MCPH1: variants seen among roughly 807,000 people sequenced by gnomAD.
MCPH1 encodes the protein microcephalin.
Under a neutral mutation model 84.5 loss-of-function variants are expected in MCPH1, and 104 were observed. The observed-to-expected ratio is 1.23, with a 90% CI of 1.05 to 1.45. The LOEUF is 1.45. Ranked by LOEUF, MCPH1 falls within the 40% of genes most tolerant of loss-of-function variation. The pLI is 0.00. For missense variants in MCPH1, 1,498 were observed against 1,005.7 expected, an observed-to-expected ratio of 1.49 and a Z score of -6.62; for synonymous variants, 514 against 366.8, an observed-to-expected ratio of 1.40 and a Z score of -4.58.
intron 3 of MCPH1, among the ~76,000 whole-genome samples, chr8:6,416,681 T>C (rs934034920): frequency 1.7e-4 from 26 of 152,228 alleles, no homozygotes; most frequent in African/African-American, 6.3e-4. Flanking sequence ...GTTGTATACG[T>C]TGTCATCTTG....
chr8:6,410,165 G>A (rs564660151), intron 2 of MCPH1, among the ~76,000 whole-genome samples: 22 of 151,374 alleles, frequency 1.5e-4, no homozygotes, highest in Non-Finnish European at 3.1e-4. Context: ...TAGTAAAGAC[G>A]GGGTTTCACC....
At chr8:6,495,875 G>C (rs1246182515) in intron 11 of MCPH1, among the ~76,000 whole-genome samples, 1 of 152,192 alleles carries the variant, frequency 6.6e-6, no homozygotes, top group African/African-American at 2.4e-5. Flanking sequence ...GCTTACGACT[G>C]TGGGACAAGT....
intron 9 of MCPH1, among the ~76,000 whole-genome samples, chr8:6,471,120 C>G (rs1351749674): frequency 6.6e-6 from 1 of 152,112 alleles, no homozygotes; most frequent in Non-Finnish European, 1.5e-5. Context: ...GATCTTGGAC[C>G]TACCACCAAG....
At chr8:6,468,472 C>T (rs750655568) in intron 9 of MCPH1, among the ~76,000 whole-genome samples, 1 of 152,130 alleles carries the variant, frequency 6.6e-6, no homozygotes, top group East Asian at 1.9e-4. Flanking sequence ...ATTGGGGCTC[C>T]CCAGCGACTT....
chr8:6,601,110 A>C (rs1586758971), intron 12 of MCPH1, among the ~76,000 whole-genome samples: 1 of 151,898 alleles, frequency 6.6e-6, no homozygotes, highest in Non-Finnish European at 1.5e-5. Flanking sequence ...ACCTGTCCCT[A>C]GGCCTCCCTG....
chr8:6,574,027 A>G (rs1040021009), intron 12 of MCPH1, among the ~76,000 whole-genome samples: 8 of 152,244 alleles, frequency 5.3e-5, no homozygotes, highest in Non-Finnish European at 1.0e-4. Flanking sequence ...TCCCAAGAAT[A>G]ATGGGCAACT....
At chr8:6,635,136 C>CA (rs1563221845) in intron 13 of MCPH1, 1 of 152,170 alleles carries the variant, frequency 6.6e-6, no homozygotes, top group Non-Finnish European at 1.5e-5. Context: ...AATATACCTT[C>CA]AGAGTTCATC....
intron 11 of MCPH1, among the ~76,000 whole-genome samples, chr8:6,482,387 C>T (rs1360833253): frequency 6.6e-6 from 1 of 152,188 alleles, no homozygotes; most frequent in Non-Finnish European, 1.5e-5. Flanking sequence ...TTTTAGGCAT[C>T]CCCCAGGGGG....
At position 6,472,016 on chromosome 8, in the gene MCPH1, T is replaced by C. The variant is rs1480362408; in HGVS notation, c.1936-5578T>C. On this transcript the variant is annotated intron_variant, in intron 9 of 13. Transcript: ENST00000344683. ...GGCAACTGATAAGTAAAGTTAGTTA[T>C]GGTGTGCAAAACAGAGTCAACCCAA... Among the ~76,000 whole-genome samples the C allele has an allele frequency of 2.0e-5, 3 of 152,224 alleles. No homozygotes were observed. The East Asian group carries it at 5.8e-4, about 29-fold the overall frequency.
chr8:6,602,625 C>G (rs1160412161), intron 12 of MCPH1, among the ~76,000 whole-genome samples: 1 of 152,094 alleles, frequency 6.6e-6, no homozygotes, highest in Non-Finnish European at 1.5e-5. Context: ...TAATACACAG[C>G]AAATTCCTGG....
chr8:6,411,546 G>C (rs185747323), intron 2 of MCPH1, among the ~76,000 whole-genome samples: 1 of 152,184 alleles, frequency 6.6e-6, no homozygotes, highest in African/African-American at 2.4e-5. Flanking sequence ...AAAATTGTGT[G>C]TTGAAGTTGC....
At chr8:6,527,726 A>G (rs779697752) in intron 12 of MCPH1, 3 of 1,495,460 alleles carry the variant, frequency 2.0e-6, no homozygotes, top group East Asian at 4.8e-5. Flanking sequence ...AATTAGTTTA[A>G]CTTTCTAACT....
chr8:6,630,764 A>G (rs2129582138), intron 13 of MCPH1, among the ~76,000 whole-genome samples: 1 of 150,304 alleles, frequency 6.7e-6, no homozygotes, highest in East Asian at 2.0e-4. Flanking sequence ...CTGGGCAACT[A>G]GAGCAAAACT....
intron 13 of MCPH1, chr8:6,627,242 C>A: frequency 1.0e-6 from 1 of 985,426 alleles, no homozygotes. Flanking sequence ...CTTGATCAGT[C>A]ACCGCAGTCC....
intron 2 of MCPH1, among the ~76,000 whole-genome samples, chr8:6,413,329 T>C (rs1198923161): frequency 6.6e-6 from 1 of 151,942 alleles, no homozygotes; most frequent in Non-Finnish European, 1.5e-5. Flanking sequence ...TCTTTTAATA[T>C]TTTTCCCTTT....
chr8:6,630,794 C>CA lies in MCPH1; in HGVS notation c.2452+9115dup, dbSNP rs11313780. 5.7e-3 allele frequency among the ~76,000 whole-genome samples: 734 copies of CA among 129,480 alleles called. 4 individuals are homozygous for CA. Among genetic ancestry groups the CA allele is most frequent in the Middle Eastern group, 0.031 (8 of 254 alleles). 84.9% of individuals were successfully genotyped at this position (129,480 alleles called of 152,430 possible). A position where few individuals can be genotyped will look rare whatever the true frequency, so the allele number is the denominator to read the frequency against. ...AAAACTCTGTCCTAAAAAAAAAAAA[C>CA]AAAAAAAAAAAACAATTATATATCA... On this transcript the variant is annotated intron_variant, in intron 13 of 13. Transcript: ENST00000344683.
chr8:6,439,660 C>T (rs535978296), intron 6 of MCPH1, among the ~76,000 whole-genome samples: 11 of 152,176 alleles, frequency 7.2e-5, no homozygotes, highest in East Asian at 3.9e-4. Flanking sequence ...GCCTCCCAAA[C>T]GGCTGGGACT....
At chr8:6,614,888 C>G (rs1396405285) in intron 12 of MCPH1, among the ~76,000 whole-genome samples, 2 of 152,084 alleles carry the variant, frequency 1.3e-5, no homozygotes, top group East Asian at 3.9e-4. Context: ...CCCCATACCC[C>G]ACCCTACTCC....
chr8:6,567,174 A>G (rs530866253), intron 12 of MCPH1, among the ~76,000 whole-genome samples: 43 of 37,676 alleles, frequency 1.1e-3, no homozygotes, highest in African/African-American at 2.2e-3. Context: ...CGTGGTGTCC[A>G]TGTATGATCA....
Sources: gnomAD v4.1 joint callset for allele counts (sites outside exome capture counted in the v4.1 genomes callset) on GRCh38, gnomAD v4.1.1 for gene constraint, MANE v1.5 for transcripts, NCBI Gene and HGNC (gene_info 2026-07-23, HGNC 2026-07-21) for gene names.